Variants in ABCC1 observed in about 807,000 individuals in gnomAD.
ABCC1 encodes ATP binding cassette subfamily C member 1 (ABCC1 blood group).
A neutral mutation model predicts 172.9 loss-of-function variants in ABCC1; 83 were observed. The observed-to-expected ratio is 0.48, with a 90% confidence interval of 0.40 to 0.58. ABCC1 has a LOEUF of 0.58. Ranked by LOEUF, ABCC1 falls within the 20% of genes least tolerant of loss-of-function variation. ABCC1 has a pLI of 0.00. For synonymous variants in ABCC1, 937 were observed against 825.2 expected (o/e 1.14, Z -2.32); for missense variants, 1,817 against 2,002.7 (o/e 0.91, Z 1.77).
intron 11 of ABCC1, among the ~76,000 whole-genome samples, chr16:16,055,698 G>A (rs951809237): frequency 6.6e-6 from 1 of 152,018 alleles, no homozygotes; most frequent in Non-Finnish European, 1.5e-5. Flanking sequence ...TCTAAATTGA[G>A]TATGTTTCTC....
intron 7 of ABCC1, among the ~76,000 whole-genome samples, chr16:16,040,067 TA>T (rs2048916317): frequency 3.8e-5 from 4 of 106,316 alleles, no homozygotes; most frequent in Non-Finnish European, 8.2e-5. Context: ...TGTTTGTTTG[TA>T]TGTATGTATG....
chr16:16,104,009 C>G (rs560991525), intron 20 of ABCC1, among the ~76,000 whole-genome samples: 2 of 151,974 alleles, frequency 1.3e-5, no homozygotes, highest in African/African-American at 4.8e-5. Context: ...TGCAGACCTT[C>G]GCGGTAAGTG....
intron 14 of ABCC1, among the ~76,000 whole-genome samples, chr16:16,073,008 C>T (rs1420115154): frequency 1.3e-5 from 2 of 149,318 alleles, no homozygotes; most frequent in Admixed American, 1.4e-4. Context: ...CGCCACTGCA[C>T]TCCAGCCAGG....
intron 23 of ABCC1, among the ~76,000 whole-genome samples, chr16:16,117,060 A>G (rs113406364): frequency 8.1e-4 from 124 of 152,288 alleles, no homozygotes; most frequent in African/African-American, 2.5e-3. Flanking sequence ...AGGGTGCACA[A>G]TTTAAAACTT....
rs1024575112 is a variant in ABCC1, at chr16:15,991,064, C to T, written c.49-16752C>T. Among the ~76,000 whole-genome samples, 16 of 152,110 alleles carry T rather than the reference C, an allele frequency of 1.1e-4. 2 individuals are homozygous for T. Among genetic ancestry groups the T allele is most frequent in the Non-Finnish European group, 4.4e-5 (3 of 68,030 alleles). On this transcript the variant is annotated intron_variant, in intron 1 of 30. Transcript: ENST00000399410. Reference sequence around the variant, plus strand: ...CGGATAGACATTTAGTTGTCTCCATCTTGGTTGCTGTGAGTGACGCTCCAG... The same window carrying T: ...CGGATAGACATTTAGTTGTCTCCATTTTGGTTGCTGTGAGTGACGCTCCAG...
At chr16:16,108,571 G>A (rs540650718) in intron 21 of ABCC1, among the ~76,000 whole-genome samples, 10 of 148,942 alleles carry the variant, frequency 6.7e-5, no homozygotes, top group Admixed American at 4.0e-4. Context: ...CACTGCGCCC[G>A]GCCTTTTTTT....
chr16:16,140,267 C>T (rs916327463), intron 30 of ABCC1, among the ~76,000 whole-genome samples: 4 of 152,224 alleles, frequency 2.6e-5, no homozygotes, highest in South Asian at 4.2e-4. Context: ...CATGTAACCA[C>T]GGTGAGAAGC....
intron 7 of ABCC1, among the ~76,000 whole-genome samples, chr16:16,037,197 T>G (rs1237889984): frequency 6.6e-6 from 1 of 152,208 alleles, no homozygotes; most frequent in Non-Finnish European, 1.5e-5. Context: ...TCTCACTTTT[T>G]TCTGTCTCTT....
chr16:15,999,390 C>T (rs1422929623), intron 1 of ABCC1, among the ~76,000 whole-genome samples: 11 of 151,734 alleles, frequency 7.2e-5, no homozygotes, highest in Non-Finnish European at 1.6e-4. Context: ...CTGAGGTGGG[C>T]GGATCACCTG....
intron 18 of ABCC1, 69 bp downstream of exon 18, chr16:16,087,060 C>T (rs190811354): frequency 8.5e-6 from 13 of 1,522,106 alleles, no homozygotes; most frequent in Admixed American, 3.9e-5. Flanking sequence ...AACGTGTCCC[C>T]TTTAGGAGTC....
chr16:15,964,474 G>A (rs2151511391), intron 1 of ABCC1, among the ~76,000 whole-genome samples: 1 of 152,170 alleles, frequency 6.6e-6, no homozygotes, highest in South Asian at 2.1e-4. Context: ...CCTAATATGT[G>A]GGGATTCCAA....
chr16:16,108,366 G>C (rs990293006), intron 21 of ABCC1, among the ~76,000 whole-genome samples: 2 of 147,346 alleles, frequency 1.4e-5, no homozygotes, highest in African/African-American at 2.5e-5. Flanking sequence ...CGCCTCCCGG[G>C]TTCAAGCAAT....
intron 26 of ABCC1, among the ~76,000 whole-genome samples, chr16:16,130,978 GGGTGT>G (rs1048562487): frequency 1.3e-5 from 2 of 152,058 alleles, no homozygotes; most frequent in Non-Finnish European, 2.9e-5. Flanking sequence ...AAAATTAGCT[GGGTGT>G]GGTGGCGGGT....
intron 1 of ABCC1, among the ~76,000 whole-genome samples, chr16:15,958,934 AC>A (rs1203466336): frequency 1.3e-5 from 2 of 151,946 alleles, no homozygotes; most frequent in Non-Finnish European, 2.9e-5. Context: ...CCTGGCCTCT[AC>A]CCCCTAGTAG....
intron 1 of ABCC1, among the ~76,000 whole-genome samples, chr16:15,975,949 G>T (rs1050983702): frequency 6.6e-6 from 1 of 152,098 alleles, no homozygotes; most frequent in Non-Finnish European, 1.5e-5. Flanking sequence ...GGAAATGACA[G>T]GTAGGAGAGA....
At chr16:16,016,654 G>T (rs779893378) in intron 5 of ABCC1, 33 bp downstream of exon 5, 3 of 1,613,038 alleles carry the variant, frequency 1.9e-6, no homozygotes, top group Non-Finnish European at 2.5e-6. Flanking sequence ...GTGTGTGCGT[G>T]TGTGTGTGAG....
chr16:16,093,537 T>C (rs892567612), intron 19 of ABCC1, among the ~76,000 whole-genome samples: 1 of 152,154 alleles, frequency 6.6e-6, no homozygotes, highest in Non-Finnish European at 1.5e-5. Context: ...ATTTTCCCAG[T>C]TTGACCTCCC....
intron 10 of ABCC1, among the ~76,000 whole-genome samples, chr16:16,051,583 G>T (rs928089189): frequency 5.3e-5 from 8 of 152,090 alleles, no homozygotes; most frequent in Non-Finnish European, 7.4e-5. Context: ...AGAGTCACAG[G>T]TTCACTAATT....
rs544785457 is a variant in ABCC1 at position 15,950,360 on chromosome 16, G to A, written c.48+561G>A. ...TTGTTTTTTTTGTTCTTTCTACTTA[G>A]ATACTGCGGGGGAAGTTTGGGGGAA... On this transcript the variant is annotated intron_variant, in intron 1 of 30. Transcript: ENST00000399410. 1.6e-4 allele frequency among the ~76,000 whole-genome samples: 25 copies of A among 152,058 alleles called. 1 individual carries two copies. The South Asian group carries it at 4.6e-3, about 28-fold the overall frequency.
Sources: allele counts gnomAD v4.1 joint callset (sites outside exome capture counted in the v4.1 genomes callset), GRCh38; gene constraint gnomAD v4.1.1; transcripts MANE v1.5; gene names NCBI Gene and HGNC (gene_info 2026-07-23, HGNC 2026-07-21).